HTR3B: variants seen among roughly 807,000 people sequenced by gnomAD.
The protein encoded by HTR3B is 5-hydroxytryptamine receptor 3B.
A neutral mutation model predicts 42.8 loss-of-function variants in HTR3B; 44 were observed. The ratio of observed to expected loss-of-function variants is 1.03; its 90% CI spans 0.81 to 1.32. HTR3B has a LOEUF of 1.32. Among genes scored for constraint, HTR3B ranks in the 40% most tolerant of loss-of-function variants. HTR3B has a pLI of 0.00. For synonymous variants in HTR3B, 203 were observed against 209.0 expected, an observed-to-expected ratio of 0.97 and a Z score of 0.25; for missense variants, 527 against 536.5, an observed-to-expected ratio of 0.98 and a Z score of 0.17.
At chr11:113,909,037 T>C (rs987546779) in intron 1 of HTR3B, 62 of 563,678 alleles carry the variant, frequency 1.1e-4, no homozygotes, top group Non-Finnish European at 1.7e-4. Context: ...AATGGAATTG[T>C]AGGTACAGTT....
chr11:113,916,603 G>A (rs1156757637), intron 2 of HTR3B, among the ~76,000 whole-genome samples: 2 of 152,108 alleles, frequency 1.3e-5, no homozygotes, highest in African/African-American at 4.8e-5. Flanking sequence ...CTGGAATTTT[G>A]ATTGGTACTG....
chr11:113,915,986 C>T (rs777658921), intron 2 of HTR3B, among the ~76,000 whole-genome samples: 2 of 152,158 alleles, frequency 1.3e-5, no homozygotes, highest in Non-Finnish European at 2.9e-5. Flanking sequence ...TTACAGGCAC[C>T]CACGACCGTG....
chr11:113,917,554 T>C (rs553436706), intron 2 of HTR3B, among the ~76,000 whole-genome samples: 135 of 152,338 alleles, frequency 8.9e-4, no homozygotes, highest in African/African-American at 3.1e-3. Context: ...TTTTGCTTCA[T>C]GTATTTTGAA....
rs1205170079 is a variant in HTR3B, at chr11:113,927,685, C to T, written c.214-3699C>T. ...TCAAGCGATTCTCCTACCTCAGCCT[C>T]CCGAGTAGCTGGAATGACAGGCACG... On this transcript the variant is annotated intron_variant, in intron 2 of 8. Coordinates refer to ENST00000260191, the MANE Select transcript of HTR3B (RefSeq NM_006028.5). Among the ~76,000 whole-genome samples the T allele has an allele frequency of 2.0e-5, 3 of 151,968 alleles. No individual in the cohort carries two copies. In the East Asian group the frequency reaches 5.8e-4, roughly 30 times the overall value.
intron 2 of HTR3B, among the ~76,000 whole-genome samples, chr11:113,926,529 TTTCC>T (rs1949976307): frequency 2.0e-5 from 3 of 149,772 alleles, no homozygotes; most frequent in Non-Finnish European, 4.4e-5. Context: ...TTTCCTTTCC[TTTCC>T]TTTTTTTCTT....
intron 2 of HTR3B, among the ~76,000 whole-genome samples, chr11:113,913,350 ATTTTTTTTTTTTTTTT>A (rs71063533): frequency 7.0e-4 from 43 of 61,520 alleles, no homozygotes; most frequent in East Asian, 2.1e-3. Flanking sequence ...TGTCTGGCTA[ATTTTTTTTTTTTTTTT>A]TTTTTTTTTT....
rs561384405 is a variant in HTR3B at position 113,946,534 on chromosome 11, A to G, written c.*397A>G. 6.4e-6 allele frequency: 1 copy of G among 156,514 alleles called. No individual in the cohort carries two copies. The highest frequency in any genetic ancestry group is 1.8e-4 in the South Asian group (1 of 5,460). 9.7% of individuals were successfully genotyped at this position (156,514 alleles called of 1,614,324 possible). ...ACAGAGCAAGACCCTGTCTCAAAAA[A>G]AATAAAATAAAAGGCTTTCTGCCTT... On this transcript the variant is annotated 3_prime_UTR_variant, in exon 9 of 9. Coordinates refer to ENST00000260191, the MANE Select transcript of HTR3B (RefSeq NM_006028.5).
intron 2 of HTR3B, among the ~76,000 whole-genome samples, chr11:113,930,946 G>C (rs17116121): frequency 6.6e-6 from 1 of 152,126 alleles, no homozygotes; most frequent in South Asian, 2.1e-4. Flanking sequence ...CCAAACATAC[G>C]GTAACTTAAC....
chr11:113,918,570 T>A (rs4938057), intron 2 of HTR3B, among the ~76,000 whole-genome samples: 39,062 of 151,204 alleles, frequency 0.26, 5,182 homozygotes, highest in Middle Eastern at 0.36. Context: ...TCTGTGTTGT[T>A]GTGAACGCCA....
At chr11:113,920,138 C>T (rs531726909) in intron 2 of HTR3B, among the ~76,000 whole-genome samples, 2 of 151,890 alleles carry the variant, frequency 1.3e-5, no homozygotes, top group Admixed American at 1.3e-4. Context: ...AAGCGATTCT[C>T]CTGCCTCAGC....
chr11:113,942,342 T>C (rs976134669), intron 6 of HTR3B, among the ~76,000 whole-genome samples: 2 of 152,210 alleles, frequency 1.3e-5, no homozygotes, highest in African/African-American at 4.8e-5. Context: ...CACTCACCTG[T>C]AGTCCCAGCT....
chr11:113,913,267 G>A (rs538112085), intron 2 of HTR3B, among the ~76,000 whole-genome samples: 8 of 145,020 alleles, frequency 5.5e-5, no homozygotes, highest in South Asian at 2.2e-4. Flanking sequence ...CACTGCAGCC[G>A]CCGCCTCCAG....
chr11:113,915,251 T>C (rs1949840547), intron 2 of HTR3B, among the ~76,000 whole-genome samples: 1 of 152,222 alleles, frequency 6.6e-6, no homozygotes, highest in Admixed American at 6.5e-5. Context: ...TTACTTAGGC[T>C]GGAGTGCAGT....
chr11:113,938,974 A>C (rs1215226909), intron 6 of HTR3B, among the ~76,000 whole-genome samples: 3 of 152,158 alleles, frequency 2.0e-5, no homozygotes, highest in African/African-American at 7.2e-5. Context: ...CAGTCTGGGC[A>C]ATAAGAGCGA....
chr11:113,902,375 C>T (rs1486936745), upstream of HTR3B, among the ~76,000 whole-genome samples: 1 of 151,990 alleles, frequency 6.6e-6, no homozygotes, highest in Non-Finnish European at 1.5e-5. Flanking sequence ...CGGCTCAGTG[C>T]AACCTCTGCC....
At chr11:113,921,219 C>T (rs1949908579) in intron 2 of HTR3B, among the ~76,000 whole-genome samples, 1 of 150,994 alleles carries the variant, frequency 6.6e-6, no homozygotes, top group Admixed American at 6.6e-5. Flanking sequence ...GATCTCGGCT[C>T]ACTGCAACCT....
chr11:113,901,644 A>G (rs534747882), upstream of HTR3B, among the ~76,000 whole-genome samples: 43 of 152,324 alleles, frequency 2.8e-4, no homozygotes, highest in Admixed American at 2.4e-3. Context: ...TTCATCAGCC[A>G]ATAAAGAGCC....
chr11:113,905,178 C>T (rs772876837), intron 1 of HTR3B, among the ~76,000 whole-genome samples, 193 bp downstream of exon 1: 7 of 151,858 alleles, frequency 4.6e-5, no homozygotes, highest in Admixed American at 1.3e-4. Flanking sequence ...ATTGCAAATA[C>T]GTATACATAT....
At chr11:113,915,308 A>G (rs1378645157) in intron 2 of HTR3B, among the ~76,000 whole-genome samples, 2 of 152,036 alleles carry the variant, frequency 1.3e-5, no homozygotes, top group East Asian at 1.9e-4. Flanking sequence ...TGCTCTTTAG[A>G]TATCTTTACA....
Sources: allele counts gnomAD v4.1 joint callset (sites outside exome capture counted in the v4.1 genomes callset), GRCh38; gene constraint gnomAD v4.1.1; transcripts MANE v1.5; gene names NCBI Gene and HGNC (gene_info 2026-07-23, HGNC 2026-07-21).